Variants in HTT observed in about 807,000 individuals in gnomAD.
The protein encoded by HTT is huntington disease protein.
A neutral mutation model predicts 362.3 loss-of-function variants in HTT; 104 were observed. The observed-to-expected ratio is 0.29, with a 90% confidence interval of 0.24 to 0.34. The LOEUF is 0.34. Among genes scored for constraint, HTT ranks in the 10% least tolerant of loss-of-function variants. The pLI, the probability that HTT is intolerant of heterozygous loss-of-function variation, is 1.00. For synonymous variants in HTT, 1,577 were observed against 1,548.7 expected, an observed-to-expected ratio of 1.02 and a Z score of -0.43; for missense variants, 3,301 against 3,928.6, an observed-to-expected ratio of 0.84 and a Z score of 4.27.
intron 59 of HTT, among the ~76,000 whole-genome samples, 159 bp from the exon 60 acceptor site, chr4:3,229,728 G>A (rs1721154606): frequency 6.6e-6 from 1 of 151,802 alleles, no homozygotes; most frequent in Non-Finnish European, 1.5e-5. Flanking sequence ...CACAGACACA[G>A]CACACGCATA....
At chr4:3,090,373 C>T (rs1386581753) in intron 2 of HTT, among the ~76,000 whole-genome samples, 1 of 152,168 alleles carries the variant, frequency 6.6e-6, no homozygotes, top group Non-Finnish European at 1.5e-5. Flanking sequence ...CATACTTCTG[C>T]ATTCTGTTTG....
downstream of HTT, chr4:3,243,960 A>C (rs1721935883): frequency 6.6e-6 from 1 of 152,294 alleles, no homozygotes; most frequent in Non-Finnish European, 1.5e-5. Flanking sequence ...GGAAACCATC[A>C]GTTGTTGCTG....
chr4:3,146,654 T>A, intron 24 of HTT, 143 bp from the exon 25 acceptor site: 1 of 698,362 alleles, frequency 1.4e-6, no homozygotes, highest in Non-Finnish European at 2.5e-6. Flanking sequence ...AGGAAAGATG[T>A]TAGTTGATTA....
chr4:3,225,526 C>A, intron 56 of HTT, 135 bp from the exon 57 acceptor site: 1 of 677,452 alleles, frequency 1.5e-6, no homozygotes, highest in East Asian at 2.8e-5. Context: ...ACAACCTGGG[C>A]CCTCCTGCCA....
rs568245185 is a variant in HTT, at chr4:3,084,936, C to G, written c.264-2003C>G. 4.6e-4 allele frequency among the ~76,000 whole-genome samples: 70 copies of G among 151,594 alleles called. 1 individual carries two copies. The highest frequency in any genetic ancestry group is 7.7e-4 in the Non-Finnish European group (52 of 67,966). On this transcript the variant is annotated intron_variant, in intron 1 of 66. Coordinates refer to ENST00000355072, the MANE Select transcript of HTT (RefSeq NM_001388492.1). ...GGCTGAAGCAGGAGAATGGTGTGAA[C>G]CCGGGAGGCAGAGCTGGCAGTGAGC...
chr4:3,169,720 C>T (rs1280871513), intron 29 of HTT, among the ~76,000 whole-genome samples: 3 of 152,036 alleles, frequency 2.0e-5, no homozygotes, highest in African/African-American at 7.2e-5. Flanking sequence ...ACTATAGGCA[C>T]GTGCCACCAC....
chr4:3,098,683 C>T (rs754630619), intron 2 of HTT, among the ~76,000 whole-genome samples: 8 of 152,146 alleles, frequency 5.3e-5, no homozygotes, highest in Non-Finnish European at 8.8e-5. Flanking sequence ...CTCTTTGTCT[C>T]GCACAACAAA....
At chr4:3,143,298 G>A (rs1265550866) in intron 23 of HTT, among the ~76,000 whole-genome samples, 3 of 151,766 alleles carry the variant, frequency 2.0e-5, no homozygotes, top group South Asian at 2.1e-4. Flanking sequence ...TTAGCTGGGC[G>A]TGGTGGCGGG....
At chr4:3,164,005 T>G (rs2110221907) in intron 29 of HTT, among the ~76,000 whole-genome samples, 2 of 152,326 alleles carry the variant, frequency 1.3e-5, no homozygotes, top group South Asian at 4.1e-4. Flanking sequence ...CTAGTTCTTT[T>G]AATTGTGATG....
chr4:3,100,040 A>G (rs1032785320), intron 3 of HTT, among the ~76,000 whole-genome samples: 2 of 152,192 alleles, frequency 1.3e-5, no homozygotes. Flanking sequence ...TATGTTGACA[A>G]TTGTGCCTGC....
At chr4:3,147,041 T>A in intron 25 of HTT, 93 bp downstream of exon 25, 1 of 1,221,952 alleles carries the variant, frequency 8.2e-7, no homozygotes, top group Non-Finnish European at 1.2e-6. Context: ...GGGAAAATAC[T>A]ATAAGGTCAT....
At chr4:3,138,089 C>CTTCCTTCCTTCCTTCT in intron 21 of HTT, among the ~76,000 whole-genome samples, 1 of 149,580 alleles carries the variant, frequency 6.7e-6, no homozygotes, top group Admixed American at 6.7e-5. Flanking sequence ...TCCTTCCTTC[C>CTTCCTTCCTTCCTTCT]TTCCTTCCTT....
intron 29 of HTT, among the ~76,000 whole-genome samples, chr4:3,171,735 C>G (rs953527503): frequency 6.6e-6 from 1 of 152,126 alleles, no homozygotes; most frequent in Non-Finnish European, 1.5e-5. Context: ...CCTCGATCTC[C>G]CAAAATGCTG....
chr4:3,190,582 A>T lies in HTT; in HGVS notation c.5368+1489A>T, dbSNP rs189515279. On this transcript the variant is annotated intron_variant, in intron 40 of 66. Coordinates refer to ENST00000355072, the MANE Select transcript of HTT (RefSeq NM_001388492.1). ...CCCATCTCCACAAAAATAAAAAAATAAAAAAAAATAGCCAGGAGTAGTGGC... is the reference window on the plus strand; with the variant it reads ...CCCATCTCCACAAAAATAAAAAAATTAAAAAAAATAGCCAGGAGTAGTGGC... 4.0e-3 allele frequency among the ~76,000 whole-genome samples: 608 copies of T among 151,040 alleles called. 5 individuals carry two copies. The highest frequency in any genetic ancestry group is 6.7e-3 in the Non-Finnish European group (455 of 67,702).
chr4:3,084,070 G>A (rs1412853333), intron 1 of HTT, among the ~76,000 whole-genome samples: 2 of 152,190 alleles, frequency 1.3e-5, no homozygotes, highest in Admixed American at 1.3e-4. Flanking sequence ...GAATAGATTA[G>A]TGGTTGCCTG....
Position 3,238,529 on chromosome 4 carries a change from G to A in HTT, c.8974G>A (p.Asp2992Asn). The change falls in exon 65 of 67, where the codon GAC becomes AAC. Residue 2992 changes from aspartate (D) to asparagine (N), a missense_variant. Asp to Asn is a conservative substitution (Grantham distance 23, BLOSUM62 1). Transcript: ENST00000355072. ...TCTAGACGACTTCTTCCCACCCCAG[G>A]ACATCATGAACAAAGTCATCGGAGA... ...QFLDDFFPPQ[D>N]IMNKVIGEFL... 6.2e-7 allele frequency: 1 copy of A among 1,613,432 alleles called. No homozygotes were observed. The highest frequency in any genetic ancestry group is 8.5e-7 in the Non-Finnish European group (1 of 1,179,714).
chr4:3,089,593 A>G (rs1415309638), intron 2 of HTT, among the ~76,000 whole-genome samples: 1 of 152,146 alleles, frequency 6.6e-6, no homozygotes, highest in African/African-American at 2.4e-5. Flanking sequence ...ATACTTGGCA[A>G]ACATTTGGTC....
intron 40 of HTT, among the ~76,000 whole-genome samples, chr4:3,195,460 G>C (rs1343388890): frequency 6.6e-6 from 1 of 151,898 alleles, no homozygotes; most frequent in African/African-American, 2.4e-5. Context: ...CCGGGCACTT[G>C]GTCCCTTTCT....
intron 35 of HTT, among the ~76,000 whole-genome samples, chr4:3,179,704 C>T (rs559567070): frequency 7.3e-6 from 1 of 136,168 alleles, no homozygotes; most frequent in East Asian, 2.2e-4. Flanking sequence ...TGTGTGTGCT[C>T]ATGTGTGTGC....
Sources: allele counts gnomAD v4.1 joint callset (sites outside exome capture counted in the v4.1 genomes callset), GRCh38; gene constraint gnomAD v4.1.1; transcripts MANE v1.5; gene names NCBI Gene and HGNC (gene_info 2026-07-23, HGNC 2026-07-21).